MACF1: variants seen among roughly 807,000 people sequenced by gnomAD.
The protein encoded by MACF1 is microtubule-actin cross-linking factor 1.
A neutral mutation model predicts 854.8 loss-of-function variants in MACF1; 193 were observed. The ratio of observed to expected loss-of-function variants is 0.23; its 90% CI spans 0.20 to 0.25. The LOEUF is 0.25. Ranked by LOEUF, MACF1 falls within the 10% of genes least tolerant of loss-of-function variation. MACF1 has a pLI of 1.00. For synonymous variants in MACF1, 3,185 were observed against 3,226.7 expected, an observed-to-expected ratio of 0.99 and a Z score of 0.44; for missense variants, 7,722 against 8,929.1, an observed-to-expected ratio of 0.86 and a Z score of 5.45.
At chr1:39,368,722 G>A (rs373320945) in intron 50 of MACF1, among the ~76,000 whole-genome samples, 3 of 151,994 alleles carry the variant, frequency 2.0e-5, no homozygotes, top group Non-Finnish European at 2.9e-5. Context: ...GGCTGGTCTC[G>A]AACTCCTGAC....
rs1035575505 is a variant in MACF1, at chr1:39,220,841, C to A, written c.110-10341C>A. Among the ~76,000 whole-genome samples, 6 of 152,080 alleles carry A rather than the reference C, an allele frequency of 3.9e-5. No individual in the cohort carries two copies. In the East Asian group the frequency reaches 1.2e-3, roughly 29 times the overall value. On this transcript the variant is annotated intron_variant, in intron 1 of 100. Transcript: ENST00000564288. ...GACTTGAAAGAGCTCAATTCAGATA[C>A]AGAAATGGACTTAGATACAGAGCTT...
At chr1:39,148,346 A>G (rs1643508694) in intron 2 of MACF1, among the ~76,000 whole-genome samples, 1 of 152,202 alleles carries the variant, frequency 6.6e-6, no homozygotes, top group Non-Finnish European at 1.5e-5. Flanking sequence ...GAGTTATGCT[A>G]CTGTTGGATA....
At chr1:39,479,775 G>GTGTGTGTTTATTTCCTTTT in intron 97 of MACF1, 23 bp from the exon 98 acceptor site, 2 of 1,596,610 alleles carry the variant, frequency 1.3e-6, no homozygotes, top group Non-Finnish European at 1.7e-6. Context: ...CTGACATTGT[G>GTGTGTGTTTATTTCCTTTT]TGTGTGTTTA....
At chr1:39,228,135 A>G (rs891555855) in intron 1 of MACF1, among the ~76,000 whole-genome samples, 2 of 152,156 alleles carry the variant, frequency 1.3e-5, no homozygotes, top group Non-Finnish European at 2.9e-5. Context: ...ATATGGTGAA[A>G]CCCTGTCTCT....
At chr1:39,165,918 C>T (rs1643877214) in intron 2 of MACF1, among the ~76,000 whole-genome samples, 2 of 152,170 alleles carry the variant, frequency 1.3e-5, no homozygotes, top group Non-Finnish European at 2.9e-5. Flanking sequence ...TGATCATGTT[C>T]CATGTTTCCT....
rs116832988 is a variant in MACF1 at position 39,292,897 on chromosome 1, A to G, written c.1992+54A>G. The G allele has an allele frequency of 2.8e-3, 3,892 of 1,410,774 alleles. 8 individuals are homozygous for G. Among genetic ancestry groups the G allele is most frequent in the Non-Finnish European group, 3.3e-3 (3,398 of 1,017,880 alleles). 87.4% of individuals were successfully genotyped at this position (1,410,774 alleles called of 1,614,324 possible). ...TGCTCATAGAGTCTGGTTCCCCCCA[A>G]TCAACTCTCTTCCGTAATTCAGAAA... On this transcript the variant is annotated intron_variant, in intron 17 of 100. Coordinates refer to ENST00000564288, the MANE Select transcript of MACF1 (RefSeq NM_001394062.1).
intron 1 of MACF1, among the ~76,000 whole-genome samples, chr1:39,229,364 AT>A (rs1332103903): frequency 6.6e-6 from 1 of 152,244 alleles, no homozygotes; most frequent in African/African-American, 2.4e-5. Context: ...CTCAAAAAAA[AT>A]AAATAGATAA....
At chr1:39,197,616 C>T (rs1571162459) in intron 2 of MACF1, among the ~76,000 whole-genome samples, 1 of 152,312 alleles carries the variant, frequency 6.6e-6, no homozygotes, top group East Asian at 1.9e-4. Flanking sequence ...GTTGTGGTGG[C>T]TCATGCCTGT....
At chr1:39,219,000 C>T (rs570892705) in intron 1 of MACF1, among the ~76,000 whole-genome samples, 6 of 152,236 alleles carry the variant, frequency 3.9e-5, no homozygotes, top group South Asian at 2.1e-4. Flanking sequence ...AGGTTGGTCT[C>T]GAGCTCCTGA....
rs1557619798 is a variant in MACF1, at chr1:39,379,396, A to G, written c.13470A>G (p.Ser4490=). 6.2e-7 allele frequency: 1 copy of G among 1,614,176 alleles called. No homozygotes were observed. Among genetic ancestry groups the G allele is most frequent in the Admixed American group, 1.7e-5 (1 of 60,006 alleles). Residue 4490 remains serine (S), a synonymous_variant, in exon 54 of 101, where the codon TCA becomes TCG. Coordinates refer to ENST00000564288, the MANE Select transcript of MACF1 (RefSeq NM_001394062.1). ...TCCTGAAATCCATGGATGCCATGTC[A>G]TCTCCAACCAAGACAGAAACAGTGA... ...EEVLKSMDAM[S]SPTKTETVKA...
At chr1:39,361,092 A>G in intron 48 of MACF1, 91 bp downstream of exon 48, 2 of 1,013,904 alleles carry the variant, frequency 2.0e-6, no homozygotes, top group Non-Finnish European at 3.0e-6. Flanking sequence ...GAGGGAACCT[A>G]ATATCTGTGA....
chr1:39,135,716 T>A (rs1643149307), intron 2 of MACF1, among the ~76,000 whole-genome samples: 1 of 152,070 alleles, frequency 6.6e-6, no homozygotes, highest in African/African-American at 2.4e-5. Context: ...TACTGAACCC[T>A]ATACAGAGGG....
chr1:39,251,287 G>A (rs58999516), intron 3 of MACF1, among the ~76,000 whole-genome samples: 3,449 of 152,150 alleles, frequency 0.023, 133 homozygotes, highest in African/African-American at 0.076. Context: ...TCTCTGGCTC[G>A]TGTTTATAAG....
intron 2 of MACF1, among the ~76,000 whole-genome samples, chr1:39,117,857 A>G (rs1642587107): frequency 1.3e-5 from 2 of 152,242 alleles, no homozygotes; most frequent in African/African-American, 4.8e-5. Context: ...TTTAGCTATC[A>G]TATTCACAGT....
intron 2 of MACF1, among the ~76,000 whole-genome samples, chr1:39,107,263 T>C (rs917476259): frequency 6.6e-6 from 1 of 151,798 alleles, no homozygotes; most frequent in Admixed American, 6.6e-5. Flanking sequence ...GTTGGACTCC[T>C]AGCAAATGAG....
At chr1:39,241,307 C>T (rs1440451869) in intron 2 of MACF1, among the ~76,000 whole-genome samples, 1 of 152,138 alleles carries the variant, frequency 6.6e-6, no homozygotes, top group African/African-American at 2.4e-5. Context: ...AATTGGGCTG[C>T]TTACGTTTCC....
intron 58 of MACF1, among the ~76,000 whole-genome samples, chr1:39,407,061 C>T (rs1642743903): frequency 6.6e-6 from 1 of 152,190 alleles, no homozygotes; most frequent in African/African-American, 2.4e-5. Flanking sequence ...CTTTAAAATT[C>T]ATCTGAACAA....
chr1:39,248,188 G>T (rs16826000), intron 2 of MACF1, among the ~76,000 whole-genome samples: 24,333 of 151,862 alleles, frequency 0.16, 2,426 homozygotes, highest in Middle Eastern at 0.22. Context: ...TGGTTTTTCC[G>T]TCTTCTTTCT....
chr1:39,396,089 C>A (rs371762534), intron 58 of MACF1, among the ~76,000 whole-genome samples: 6 of 152,218 alleles, frequency 3.9e-5, no homozygotes, highest in African/African-American at 1.4e-4. Flanking sequence ...GCCTGTAATC[C>A]CAGCATTTTG....
Sources: gnomAD v4.1 joint callset for allele counts (sites outside exome capture counted in the v4.1 genomes callset) on GRCh38, gnomAD v4.1.1 for gene constraint, MANE v1.5 for transcripts, NCBI Gene and HGNC (gene_info 2026-07-23, HGNC 2026-07-21) for gene names.